KAZN: variants seen among roughly 807,000 people sequenced by gnomAD.
The protein encoded by KAZN is kazrin, periplakin interacting protein.
KAZN carries 40 observed loss-of-function variants against 87.4 expected under a neutral mutation model. That is an observed-to-expected ratio of 0.46 (90% confidence interval 0.36 to 0.60). KAZN has a LOEUF of 0.60. Among genes scored for constraint, KAZN ranks in the 20% least tolerant of loss-of-function variants. The pLI is 0.00. For missense variants in KAZN, 898 were observed against 1,073.9 expected (o/e 0.84, Z 2.29); for synonymous variants, 466 against 458.3 (o/e 1.02, Z -0.22).
intron 14 of KAZN, chr1:15,113,331 T>G (rs908564213): frequency 6.6e-6 from 1 of 152,104 alleles, no homozygotes; most frequent in Non-Finnish European, 1.5e-5. Context: ...AAAGCACAAA[T>G]GTACATATGG....
intron 1 of KAZN, among the ~76,000 whole-genome samples, chr1:14,173,342 G>C (rs1570935324): frequency 2.0e-5 from 3 of 152,338 alleles, no homozygotes; most frequent in East Asian, 1.9e-4. Flanking sequence ...TGAGAAGTCT[G>C]TGGCTGAATC....
intron 1 of KAZN, chr1:14,946,007 A>G: frequency 1.5e-6 from 1 of 662,610 alleles, no homozygotes; most frequent in East Asian, 1.4e-4. Context: ...AGGCATTGGC[A>G]CAGCAGCCCT....
intron 2 of KAZN, among the ~76,000 whole-genome samples, chr1:14,229,241 CTT>C (rs1647576862): frequency 6.6e-6 from 1 of 152,158 alleles, no homozygotes; most frequent in Non-Finnish European, 1.5e-5. Context: ...CCTTAGCTCT[CTT>C]AAAAAACAAA....
chr1:14,517,840 G>A (rs754394751), intron 2 of KAZN, among the ~76,000 whole-genome samples: 3 of 152,184 alleles, frequency 2.0e-5, no homozygotes, highest in Non-Finnish European at 4.4e-5. Flanking sequence ...TGGATGGATG[G>A]CTCCACATTT....
chr1:14,274,916 A>C (rs1652230790), intron 2 of KAZN, among the ~76,000 whole-genome samples: 1 of 149,792 alleles, frequency 6.7e-6, no homozygotes, highest in South Asian at 2.1e-4. Context: ...GTCATTTCTT[A>C]TTTGAGATTA....
At chr1:14,291,891 A>G (rs777598150) in intron 2 of KAZN, among the ~76,000 whole-genome samples, 4 of 152,180 alleles carry the variant, frequency 2.6e-5, no homozygotes, top group Non-Finnish European at 5.9e-5. Context: ...TCCTGCTGCC[A>G]TTTGGAGAAG....
chr1:14,740,457 ACTTCT>A (rs1209230761), intron 1 of KAZN, among the ~76,000 whole-genome samples: 2 of 151,874 alleles, frequency 1.3e-5, no homozygotes, highest in Non-Finnish European at 2.9e-5. Context: ...ATATGTGCCC[ACTTCT>A]CTTCTCTGGA....
chr1:14,662,944 A>AACATAT (rs148046835), intron 1 of KAZN, among the ~76,000 whole-genome samples: 4 of 142,852 alleles, frequency 2.8e-5, no homozygotes, highest in Non-Finnish European at 4.5e-5. Context: ...TATATATGTA[A>AACATAT]ATATATATAT....
At position 15,101,568 on chromosome 1, in the gene KAZN, C is replaced by T. The variant is rs1239784209; in HGVS notation, c.1573C>T (p.His525Tyr). The T allele has an allele frequency of 1.1e-5, 17 of 1,552,636 alleles. No homozygotes were observed. The highest frequency in any genetic ancestry group is 1.4e-5 in the Non-Finnish European group (16 of 1,147,478). Reference sequence around the variant, plus strand: ...CCTGTCCAAAGCTGCCGAGCTGGACCATCACTGGGTGGCCAAGGCCTGGCT... The same window carrying T: ...CCTGTCCAAAGCTGCCGAGCTGGACTATCACTGGGTGGCCAAGGCCTGGCT... ...RSLSKAAELD[H>Y]HWVAKAWLND... The change falls in exon 11 of 15, where the codon CAT becomes TAT. Residue 525 changes from histidine (H) to tyrosine (Y), a missense_variant. Physicochemically the swap from His to Tyr is moderately conservative, Grantham distance 83 (BLOSUM62 2). Coordinates refer to ENST00000376030, the MANE Select transcript of KAZN (RefSeq NM_201628.3).
chr1:14,002,303 A>G (rs910982367), intron 1 of KAZN, among the ~76,000 whole-genome samples: 4 of 152,208 alleles, frequency 2.6e-5, no homozygotes, highest in African/African-American at 4.8e-5. Context: ...ACAAATCTCA[A>G]CTTGAGTTGT....
intron 1 of KAZN, among the ~76,000 whole-genome samples, chr1:14,772,970 G>A (rs1032166267): frequency 6.6e-6 from 1 of 152,060 alleles, no homozygotes; most frequent in African/African-American, 2.4e-5. Context: ...GCGCAGTTGA[G>A]TCATCTCTCT....
chr1:14,076,285 A>T (rs548021933), intron 1 of KAZN, among the ~76,000 whole-genome samples: 67 of 152,268 alleles, frequency 4.4e-4, no homozygotes, highest in South Asian at 2.3e-3. Flanking sequence ...CGTCTAAAAA[A>T]AAAAGGGAAA....
In KAZN at chr1:14,735,358, C is replaced by G. The variant is rs536724115; in HGVS notation, c.226+136135C>G. ...TACAGGCGTGAGCCACCGCGCCCGGCCCGTGCTGTTGTTTTCAAAGACACG... is the reference window on the plus strand; with the variant it reads ...TACAGGCGTGAGCCACCGCGCCCGGGCCGTGCTGTTGTTTTCAAAGACACG... On this transcript the variant is annotated intron_variant, in intron 1 of 14. Transcript: ENST00000376030. The surrounding 1 kb of genome is among the most constrained non-coding windows in gnomAD (Gnocchi z 4.3). Among the ~76,000 whole-genome samples the G allele has an allele frequency of 6.6e-6, 1 of 152,336 alleles. No individual in the cohort carries two copies. Among genetic ancestry groups the G allele is most frequent in the East Asian group, 1.9e-4 (1 of 5,176 alleles).
intron 1 of KAZN, among the ~76,000 whole-genome samples, chr1:14,173,706 G>A (rs1338081971): frequency 7.6e-6 from 1 of 131,862 alleles, no homozygotes; most frequent in Admixed American, 8.0e-5. Flanking sequence ...TTTCTCAATA[G>A]TTCCATCAAA....
At chr1:13,926,969 C>T (rs979262595) in intron 1 of KAZN, among the ~76,000 whole-genome samples, 6 of 152,148 alleles carry the variant, frequency 3.9e-5, no homozygotes, top group African/African-American at 9.7e-5. Flanking sequence ...ATGCATTTGT[C>T]GTAAAGTGCC....
intron 2 of KAZN, among the ~76,000 whole-genome samples, chr1:14,444,561 C>T (rs1245160807): frequency 6.6e-6 from 1 of 152,120 alleles, no homozygotes; most frequent in Non-Finnish European, 1.5e-5. Flanking sequence ...GATCTGCCCT[C>T]CTTGGCCTCC....
At chr1:14,569,080 G>A (rs1430373826) in intron 2 of KAZN, among the ~76,000 whole-genome samples, 1 of 152,106 alleles carries the variant, frequency 6.6e-6, no homozygotes, top group Non-Finnish European at 1.5e-5. Context: ...TGTCCCAGAT[G>A]AACTTCTGAC....
intron 2 of KAZN, among the ~76,000 whole-genome samples, chr1:14,237,520 A>G (rs1018022341): frequency 1.3e-5 from 2 of 152,148 alleles, no homozygotes; most frequent in African/African-American, 4.8e-5. Flanking sequence ...TTCTCTGAGT[A>G]TCTTTCACTT....
intron 1 of KAZN, among the ~76,000 whole-genome samples, chr1:13,947,821 T>C (rs1308701448): frequency 6.6e-6 from 1 of 152,178 alleles, no homozygotes; most frequent in African/African-American, 2.4e-5. Flanking sequence ...TCCTAATCTC[T>C]TCTTATAAGG....
Sources: gnomAD v4.1 joint callset for allele counts (sites outside exome capture counted in the v4.1 genomes callset) on GRCh38, gnomAD v4.1.1 for gene constraint, Gnocchi (gnomAD v3.1) non-coding constraint, MANE v1.5 for transcripts, NCBI Gene and HGNC (gene_info 2026-07-23, HGNC 2026-07-21) for gene names.